PTGER3: variants seen among roughly 807,000 people sequenced by gnomAD.
PTGER3 encodes prostaglandin E2 receptor EP3 subtype.
PTGER3 carries 22 observed loss-of-function variants against 34.7 expected under a neutral mutation model. The ratio of observed to expected loss-of-function variants is 0.63; its 90% CI spans 0.45 to 0.91. PTGER3 has a LOEUF of 0.91. Ranked by LOEUF, PTGER3 falls within the 40% of genes least tolerant of loss-of-function variation. PTGER3 has a pLI of 0.00. For synonymous variants in PTGER3, 241 were observed against 230.1 expected, an observed-to-expected ratio of 1.05 and a Z score of -0.43; for missense variants, 468 against 519.4, an observed-to-expected ratio of 0.90 and a Z score of 0.96.
At chr1:70,854,663 T>A (rs1449082445) in intron 4 of PTGER3, among the ~76,000 whole-genome samples, 3 of 152,208 alleles carry the variant, frequency 2.0e-5, no homozygotes, top group Non-Finnish European at 4.4e-5. Context: ...CTTTGCATTC[T>A]GCCATAATTG....
At chr1:70,948,534 C>T (rs921679830), downstream of PTGER3, among the ~76,000 whole-genome samples, 2 of 152,010 alleles carry the variant, frequency 1.3e-5, no homozygotes, top group African/African-American at 2.4e-5. Flanking sequence ...CTAATACAGT[C>T]GCTAATTTGA....
At chr1:70,982,252 G>A (rs1254196529) in intron 2 of PTGER3, among the ~76,000 whole-genome samples, 1 of 152,134 alleles carries the variant, frequency 6.6e-6, no homozygotes, top group East Asian at 1.9e-4. Flanking sequence ...AATACTGTGT[G>A]TAATCACACA....
chr1:70,942,617 CTT>C lies in PTGER3; in HGVS notation c.*23+11144_*23+11145del, dbSNP rs541507179. 7.2e-3 allele frequency among the ~76,000 whole-genome samples: 1,090 copies of C among 152,266 alleles called. 14 individuals carry two copies. The highest frequency in any genetic ancestry group is 0.025 in the African/African-American group (1,042 of 41,554). Reference sequence around the variant, plus strand: ...AGCAACACTACTCTCGAAAATTTCTCTTGTTTTGGGTGGATTGTGCACAGCGC... The same window carrying C: ...AGCAACACTACTCTCGAAAATTTCTCGTTTTGGGTGGATTGTGCACAGCGC... On this transcript the variant is annotated intron_variant, in intron 4 of 4. Transcript: ENST00000370931.
At chr1:70,974,420 T>C in intron 2 of PTGER3, 32 bp from the exon 3 acceptor site, 1 of 834,780 alleles carries the variant, frequency 1.2e-6, no homozygotes, top group South Asian at 1.4e-5. Context: ...CACAGGACAC[T>C]TCCTTGAGTA....
chr1:71,023,360 C>T (rs566210476), intron 1 of PTGER3, among the ~76,000 whole-genome samples: 4 of 152,042 alleles, frequency 2.6e-5, no homozygotes, highest in African/African-American at 7.3e-5. Flanking sequence ...TCTGGGTATT[C>T]CTCTGCAGTC....
At chr1:70,890,048 A>G (rs776456317) in intron 4 of PTGER3, among the ~76,000 whole-genome samples, 4 of 152,160 alleles carry the variant, frequency 2.6e-5, no homozygotes, top group Non-Finnish European at 5.9e-5. Context: ...TGGCATTTCC[A>G]TGTTGTACCA....
intron 4 of PTGER3, among the ~76,000 whole-genome samples, chr1:70,938,981 A>G (rs1649504843): frequency 6.6e-6 from 1 of 152,126 alleles, no homozygotes; most frequent in African/African-American, 2.4e-5. Flanking sequence ...CATTAACCCA[A>G]AAGTCCACAA....
chr1:70,906,893 T>C (rs912346516), intron 4 of PTGER3, among the ~76,000 whole-genome samples: 1 of 152,336 alleles, frequency 6.6e-6, no homozygotes. Context: ...TGAATGCAGA[T>C]GTTAACAAAT....
chr1:70,964,639 G>T (rs1180518824), intron 2 of PTGER3, among the ~76,000 whole-genome samples: 1 of 152,210 alleles, frequency 6.6e-6, no homozygotes, highest in Non-Finnish European at 1.5e-5. Context: ...CATGACAGGT[G>T]GGAATTATGG....
chr1:70,982,277 A>G (rs562300930), intron 2 of PTGER3, among the ~76,000 whole-genome samples: 1 of 152,192 alleles, frequency 6.6e-6, no homozygotes, highest in Non-Finnish European at 1.5e-5. Flanking sequence ...TGCTATATAA[A>G]TAAGCTCAGT....
Position 71,014,136 on chromosome 1 carries a change from T to G in PTGER3, c.898-1652A>C, listed in dbSNP as rs372088165. On this transcript the variant is annotated intron_variant, in intron 1 of 3. Transcript: ENST00000306666. ...ACTTTAAATTATATGTGGCTTGTGG[T>G]TTTTTTTTGCTCACAGTACATTTCT... 2.1e-3 allele frequency among the ~76,000 whole-genome samples: 320 copies of G among 151,326 alleles called. 4 individuals carry two copies. Among genetic ancestry groups the G allele is most frequent in the African/African-American group, 7.4e-3 (304 of 41,314 alleles).
At chr1:70,868,591 G>A (rs1416843769) in intron 4 of PTGER3, among the ~76,000 whole-genome samples, 1 of 152,124 alleles carries the variant, frequency 6.6e-6, no homozygotes, top group Non-Finnish European at 1.5e-5. Context: ...GGATAATAAA[G>A]CCTTATCTCC....
At chr1:70,901,652 T>C (rs904628519) in intron 4 of PTGER3, among the ~76,000 whole-genome samples, 77 of 152,148 alleles carry the variant, frequency 5.1e-4, no homozygotes, top group Non-Finnish European at 1.2e-4. Context: ...AATATGTGAG[T>C]ATAACTATTT....
At chr1:70,914,749 C>T (rs1557651683) in intron 4 of PTGER3, among the ~76,000 whole-genome samples, 2 of 151,840 alleles carry the variant, frequency 1.3e-5, no homozygotes, top group Non-Finnish European at 2.9e-5. Context: ...AATAGCTTCC[C>T]AATCATTAGT....
chr1:70,871,887 A>G (rs1646170504), intron 4 of PTGER3, among the ~76,000 whole-genome samples: 1 of 152,212 alleles, frequency 6.6e-6, no homozygotes, highest in Admixed American at 6.5e-5. Flanking sequence ...TTAGCTTACC[A>G]AAAGTTAAAG....
At chr1:70,915,284 A>G (rs1257114784) in intron 4 of PTGER3, among the ~76,000 whole-genome samples, 2 of 151,870 alleles carry the variant, frequency 1.3e-5, no homozygotes, top group Admixed American at 6.6e-5. Context: ...GTTGTCTTAT[A>G]TATCTCTTTC....
chr1:70,984,739 TA>T (rs967910657), intron 2 of PTGER3, among the ~76,000 whole-genome samples: 4 of 151,066 alleles, frequency 2.6e-5, no homozygotes, highest in African/African-American at 7.3e-5. Context: ...GAAATAAAAT[TA>T]AAAAAAAATT....
chr1:70,955,864 T>C (rs1367752424), intron 2 of PTGER3, among the ~76,000 whole-genome samples: 1 of 152,148 alleles, frequency 6.6e-6, no homozygotes, highest in African/African-American at 2.4e-5. Flanking sequence ...CTATGCACAA[T>C]TATACATTTA....
intron 2 of PTGER3, chr1:71,011,390 A>T (rs1657429412): frequency 1.0e-6 from 1 of 985,162 alleles, no homozygotes; most frequent in South Asian, 4.7e-5. Context: ...CTTTTGGTGA[A>T]TAATCAAGGG....
Sources: gnomAD v4.1 joint callset for allele counts (sites outside exome capture counted in the v4.1 genomes callset) on GRCh38, gnomAD v4.1.1 for gene constraint, MANE v1.5 for transcripts, NCBI Gene and HGNC (gene_info 2026-07-23, HGNC 2026-07-21) for gene names.